The following ADAMTSL1 variants were observed in gnomAD, a reference collection of about 807,000 sequenced individuals.
ADAMTSL1 encodes the protein ADAMTS like 1.
A neutral mutation model predicts 201.8 loss-of-function variants in ADAMTSL1; 126 were observed. The ratio of observed to expected loss-of-function variants is 0.62; its 90% CI spans 0.54 to 0.72. The LOEUF is 0.72. Ranked by LOEUF, ADAMTSL1 falls within the 30% of genes least tolerant of loss-of-function variation. The probability of loss-of-function intolerance (pLI) is 0.00; values close to 1 mark genes in which losing one functional copy is unlikely to be tolerated. For missense variants in ADAMTSL1, 2,679 were observed against 2,277.8 expected (o/e 1.18, Z -3.59); for synonymous variants, 1,121 against 903.4 (o/e 1.24, Z -4.32).
chr9:18,409,163 C>A (rs1818325020), intron 2 of ADAMTSL1, among the ~76,000 whole-genome samples: 1 of 151,962 alleles, frequency 6.6e-6, no homozygotes, highest in Non-Finnish European at 1.5e-5. Context: ...GCAGGCAAAT[C>A]ACCTGAGGTC....
intron 2 of ADAMTSL1, among the ~76,000 whole-genome samples, chr9:18,309,952 A>G (rs564095440): frequency 6.6e-6 from 1 of 152,316 alleles, no homozygotes; most frequent in East Asian, 1.9e-4. Context: ...ACAAGGCTAC[A>G]GTAACCAAAC....
chr9:18,449,462 T>C (rs903660721), intron 2 of ADAMTSL1, among the ~76,000 whole-genome samples: 1 of 152,066 alleles, frequency 6.6e-6, no homozygotes, highest in Non-Finnish European at 1.5e-5. Flanking sequence ...TCTGTTGGTT[T>C]TTCTCTTAGA....
intron 1 of ADAMTSL1, among the ~76,000 whole-genome samples, chr9:17,971,914 C>A (rs1348733873): frequency 2.0e-5 from 3 of 151,612 alleles, no homozygotes; most frequent in Admixed American, 6.6e-5. Context: ...CTCCCTATAT[C>A]CTTCATATCT....
At chr9:18,313,392 C>G (rs1009823953) in intron 2 of ADAMTSL1, among the ~76,000 whole-genome samples, 5 of 152,070 alleles carry the variant, frequency 3.3e-5, no homozygotes, top group African/African-American at 9.7e-5. Context: ...ATCATTATTT[C>G]TAACAATTTA....
chr9:18,166,724 C>T (rs1252238277), intron 2 of ADAMTSL1, among the ~76,000 whole-genome samples: 2 of 151,946 alleles, frequency 1.3e-5, no homozygotes, highest in African/African-American at 4.8e-5. Flanking sequence ...AACTTTTCTT[C>T]TCTCACACCC....
intron 1 of ADAMTSL1, among the ~76,000 whole-genome samples, chr9:17,940,837 C>T (rs1329807426): frequency 1.3e-4 from 13 of 100,456 alleles, no homozygotes; most frequent in Admixed American, 5.3e-4. Flanking sequence ...AATAACGACT[C>T]GTCATGTCTT....
Position 18,381,370 on chromosome 9 carries a change from A to G in ADAMTSL1, c.208-123459A>G, listed in dbSNP as rs74772102. On this transcript the variant is annotated intron_variant, in intron 2 of 29. Transcript: ENST00000680146. Reference sequence around the variant, plus strand: ...CTACTTTGTCCCAGGTACTGTTTGGATATTTTATCTTTAGTTTTTTGAGAA... The same window carrying G: ...CTACTTTGTCCCAGGTACTGTTTGGGTATTTTATCTTTAGTTTTTTGAGAA... Among the ~76,000 whole-genome samples the G allele has an allele frequency of 8.4e-3, 1,275 of 152,256 alleles. 11 individuals are homozygous for G. The highest frequency in any genetic ancestry group is 0.013 in the Non-Finnish European group (908 of 68,020).
Position 18,309,255 on chromosome 9 carries a change from C to T in ADAMTSL1, c.207+145274C>T, listed in dbSNP as rs530269212. Reference sequence around the variant, plus strand: ...TTACTGAACGGGCAAAACCTGGCTGCACTCCTTTTGAAAACTGGCACAAGA... The same window carrying T: ...TTACTGAACGGGCAAAACCTGGCTGTACTCCTTTTGAAAACTGGCACAAGA... On this transcript the variant is annotated intron_variant, in intron 2 of 29. Coordinates refer to the ADAMTSL1 transcript ENST00000680146. Among the ~76,000 whole-genome samples, 19 of 152,236 alleles carry T rather than the reference C, an allele frequency of 1.2e-4. 1 individual carries two copies. The South Asian group carries it at 2.7e-3, about 22-fold the overall frequency.
At chr9:18,177,680 G>C (rs889934348) in intron 2 of ADAMTSL1, among the ~76,000 whole-genome samples, 1 of 152,196 alleles carries the variant, frequency 6.6e-6, no homozygotes, top group Non-Finnish European at 1.5e-5. Context: ...AAAGAGGAAA[G>C]GACAAATGGA....
chr9:18,143,799 T>G lies in ADAMTSL1; in HGVS notation c.88-20063T>G, dbSNP rs920939362. On this transcript the variant is annotated intron_variant, in intron 1 of 29. Coordinates refer to the ADAMTSL1 transcript ENST00000680146. Reference sequence around the variant, plus strand: ...TGAATACATTAAACAGACTCTTTCATTATAGATGTTAGAGGAATGAAAATA... The same window carrying G: ...TGAATACATTAAACAGACTCTTTCAGTATAGATGTTAGAGGAATGAAAATA... Among the ~76,000 whole-genome samples the G allele has an allele frequency of 2.0e-5, 3 of 152,194 alleles. No homozygotes were observed. In the East Asian group the frequency reaches 5.8e-4, roughly 29 times the overall value.
At chr9:18,162,573 T>A (rs1293992688) in intron 1 of ADAMTSL1, among the ~76,000 whole-genome samples, 4 of 151,978 alleles carry the variant, frequency 2.6e-5, no homozygotes, top group Admixed American at 2.0e-4. Flanking sequence ...TGAAAGTATT[T>A]GATGGATTGA....
chr9:18,291,492 C>A (rs1007988384), intron 2 of ADAMTSL1, among the ~76,000 whole-genome samples: 2 of 152,130 alleles, frequency 1.3e-5, no homozygotes, highest in Non-Finnish European at 2.9e-5. Context: ...CTGTCCTCCT[C>A]AACTTACTGT....
At chr9:18,626,866 T>G (rs1386543335) in intron 5 of ADAMTSL1, among the ~76,000 whole-genome samples, 1 of 129,052 alleles carries the variant, frequency 7.7e-6, no homozygotes, top group African/African-American at 3.2e-5. Context: ...TTTCTTTCTT[T>G]CTGTCTTTCT....
At chr9:18,160,732 T>C (rs1248881696) in intron 1 of ADAMTSL1, among the ~76,000 whole-genome samples, 8 of 151,548 alleles carry the variant, frequency 5.3e-5, no homozygotes, top group Admixed American at 5.3e-4. Flanking sequence ...CAGGCCAGAG[T>C]GTAGTGGCAC....
At chr9:18,584,244 G>A (rs1172879235) in intron 4 of ADAMTSL1, among the ~76,000 whole-genome samples, 2 of 152,086 alleles carry the variant, frequency 1.3e-5, no homozygotes, top group African/African-American at 2.4e-5. Flanking sequence ...CGCTGTTCTC[G>A]TGGTAGTGAA....
intron 1 of ADAMTSL1, among the ~76,000 whole-genome samples, chr9:18,116,825 C>G (rs964755475): frequency 1.9e-4 from 29 of 152,294 alleles, no homozygotes; most frequent in Non-Finnish European, 8.8e-5. Flanking sequence ...ATTAACTCAT[C>G]ATTTAGCATT....
chr9:18,472,754 A>C (rs151233777), upstream of ADAMTSL1, among the ~76,000 whole-genome samples: 1 of 152,304 alleles, frequency 6.6e-6, no homozygotes, highest in Non-Finnish European at 1.5e-5. Flanking sequence ...ATTAATTCTA[A>C]ATGTCTTGTA....
At chr9:18,218,034 T>C (rs544398208) in intron 2 of ADAMTSL1, among the ~76,000 whole-genome samples, 1 of 152,306 alleles carries the variant, frequency 6.6e-6, no homozygotes, top group African/African-American at 2.4e-5. Context: ...GAAGCAGGAA[T>C]ATATTTTGAA....
At chr9:18,163,104 A>T (rs1309558492) in intron 1 of ADAMTSL1, among the ~76,000 whole-genome samples, 1 of 152,028 alleles carries the variant, frequency 6.6e-6, no homozygotes, top group Non-Finnish European at 1.5e-5. Context: ...CTCTCACCAG[A>T]GGTAGCTTGA....
Sources: allele counts gnomAD v4.1 joint callset (sites outside exome capture counted in the v4.1 genomes callset), GRCh38; gene constraint gnomAD v4.1.1; transcripts MANE v1.5; gene names NCBI Gene and HGNC (gene_info 2026-07-23, HGNC 2026-07-21).